Variants in GPAT4 observed in about 807,000 individuals in gnomAD.
The protein encoded by GPAT4 is glycerol-3-phosphate acyltransferase 4, also known as 1-AGP acyltransferase 6.
Under a neutral mutation model 58.0 loss-of-function variants are expected in GPAT4, and 17 were observed. The observed-to-expected ratio is 0.29, with a 90% CI of 0.20 to 0.44. The LOEUF (loss-of-function observed/expected upper bound fraction) is 0.44, where lower values mean the gene tolerates loss of function less well. Among genes scored for constraint, GPAT4 ranks in the 20% least tolerant of loss-of-function variants. GPAT4 has a pLI of 1.00. For synonymous variants in GPAT4, 204 were observed against 210.1 expected, an observed-to-expected ratio of 0.97 and a Z score of 0.25; for missense variants, 377 against 574.5, an observed-to-expected ratio of 0.66 and a Z score of 3.51.
At chr8:41,600,429 C>T (rs1803056780) in intron 2 of GPAT4, among the ~76,000 whole-genome samples, 1 of 152,070 alleles carries the variant, frequency 6.6e-6, no homozygotes, top group African/African-American at 2.4e-5. Context: ...ATTTTATCAA[C>T]CTGCATTTTA....
chr8:41,612,955 T>A lies in GPAT4; in HGVS notation c.906T>A (p.Ala302=). 1.2e-6 allele frequency: 2 copies of A among 1,613,940 alleles called. No individual in the cohort carries two copies. The highest frequency in any genetic ancestry group is 1.7e-6 in the Non-Finnish European group (2 of 1,179,850). The part of the protein sequence containing the change: ...RSEVKDRHLV[A]KRLTEHVQDK... ...AAGTGAAGGATCGCCACCTGGTGGC[T>A]AAGAGGTAATGGACAGAACACTGCT... Residue 302 remains alanine (A), a synonymous_variant, in exon 8 of 13, where the codon GCT becomes GCA. Transcript: ENST00000396987.
chr8:41,610,912 T>C, intron 5 of GPAT4, 102 bp downstream of exon 5: 2 of 1,257,556 alleles, frequency 1.6e-6, no homozygotes, highest in Non-Finnish European at 1.1e-6. Flanking sequence ...ACCAAAGCCA[T>C]GGAATCTTAG....
chr8:41,581,339 C>G (rs1802502744), intron 1 of GPAT4, among the ~76,000 whole-genome samples: 1 of 152,176 alleles, frequency 6.6e-6, no homozygotes, highest in Non-Finnish European at 1.5e-5. Flanking sequence ...TTCATTTTGC[C>G]TTGTACAATC....
chr8:41,584,260 C>T (rs1037103535), intron 1 of GPAT4, among the ~76,000 whole-genome samples: 2 of 152,114 alleles, frequency 1.3e-5, no homozygotes, highest in South Asian at 2.1e-4. Flanking sequence ...GACTTCCCTA[C>T]GCTGCTAGTG....
At chr8:41,597,376 G>C (rs1802961988) in intron 1 of GPAT4, among the ~76,000 whole-genome samples, 2 of 152,186 alleles carry the variant, frequency 1.3e-5, no homozygotes. Flanking sequence ...CAAGTTCAGG[G>C]ATTTGGAATG....
chr8:41,596,876 C>T (rs1438482665), intron 1 of GPAT4, among the ~76,000 whole-genome samples: 2 of 152,130 alleles, frequency 1.3e-5, no homozygotes, highest in East Asian at 1.9e-4. Context: ...CCGAGCTCCC[C>T]GAGTAAGCAA....
chr8:41,609,479 A>C lies in GPAT4; in HGVS notation c.229A>C (p.Thr77Pro), dbSNP rs1367474784. 4 of 1,614,078 alleles carry C rather than the reference A, an allele frequency of 2.5e-6. No individual in the cohort carries two copies. Among genetic ancestry groups the C allele is most frequent in the Non-Finnish European group, 3.4e-6 (4 of 1,179,984 alleles). The change falls in exon 3 of 13, where the codon ACC (threonine) becomes CCC (proline). Residue 77 changes from threonine (T) to proline (P), a missense_variant. Coordinates refer to ENST00000396987, the MANE Select transcript of GPAT4 (RefSeq NM_178819.4). ...EKNHQLYKPY[T>P]NGIIAKDPTS... The stretch of plus-strand genomic sequence containing the variant: ...GAACCACCAGCTTTACAAGCCCTAC[A>C]CCAACGGTAAGATGGGGGTGTGATC...
At chr8:41,587,226 A>G (rs1307724893) in intron 1 of GPAT4, among the ~76,000 whole-genome samples, 1 of 152,240 alleles carries the variant, frequency 6.6e-6, no homozygotes, top group Non-Finnish European at 1.5e-5. Flanking sequence ...GGCTGTGGCC[A>G]TGTTTGCCTC....
rs115191888 is a variant in GPAT4 at position 41,587,976 on chromosome 8, C to T, written c.-849+9698C>T. ...CACTGTAGTTTCAATTCGAATTTCT[C>T]CATTTTACGACTAACCTTTTTATTG... On this transcript the variant is annotated intron_variant, in intron 1 of 12. Transcript: ENST00000396987. Among the ~76,000 whole-genome samples the T allele has an allele frequency of 3.2e-3, 491 of 152,324 alleles. 4 individuals are homozygous for T. The highest frequency in any genetic ancestry group is 9.4e-3 in the African/African-American group (390 of 41,578).
chr8:41,618,945 T>C lies in GPAT4; in HGVS notation c.1230T>C (p.Ile410=). The change falls in exon 12 of 13, where the codon ATT becomes ATC. Residue 410 remains isoleucine (I), a synonymous_variant. Transcript: ENST00000396987. Reference sequence around the variant, plus strand: ...TTGCGAATAGGGTGAAATCTGCCATTGCCAGGCAGGGAGGACTTGTGGACC... The same window carrying C: ...TTGCGAATAGGGTGAAATCTGCCATCGCCAGGCAGGGAGGACTTGTGGACC... ...VQFANRVKSA[I]ARQGGLVDLL... 1 of 1,614,232 alleles carries C rather than the reference T, an allele frequency of 6.2e-7. No individual in the cohort carries two copies. The highest frequency in any genetic ancestry group is 8.5e-7 in the Non-Finnish European group (1 of 1,180,032).
intron 1 of GPAT4, chr8:41,584,924 T>C (rs917540356): frequency 3.9e-5 from 6 of 152,190 alleles, no homozygotes; most frequent in African/African-American, 1.2e-4. Flanking sequence ...CTCTGTGAGT[T>C]GAATCATCCT....
At chr8:41,596,997 G>T (rs1300272140) in intron 1 of GPAT4, among the ~76,000 whole-genome samples, 1 of 152,126 alleles carries the variant, frequency 6.6e-6, no homozygotes, top group Non-Finnish European at 1.5e-5. Context: ...CCGGTAATCA[G>T]AATGGAACAG....
intron 12 of GPAT4, 60 bp downstream of exon 12, chr8:41,619,037 T>C: frequency 6.4e-7 from 1 of 1,568,480 alleles, no homozygotes; most frequent in Non-Finnish European, 8.8e-7. Flanking sequence ...TGTCATTGAC[T>C]TCACTTACAT....
chr8:41,614,702 C>T (rs1803544566), intron 9 of GPAT4, among the ~76,000 whole-genome samples: 1 of 152,188 alleles, frequency 6.6e-6, no homozygotes, highest in South Asian at 2.1e-4. Context: ...TCATGGTGTC[C>T]TCCTAAGGCC....
chr8:41,617,765 C>A (rs758508092), intron 10 of GPAT4, among the ~76,000 whole-genome samples: 4 of 152,228 alleles, frequency 2.6e-5, no homozygotes, highest in Non-Finnish European at 5.9e-5. Context: ...GAAATTCTGG[C>A]TCCTTTATTT....
At chr8:41,619,580 C>T (rs1374474241) in intron 12 of GPAT4, among the ~76,000 whole-genome samples, 3 of 152,112 alleles carry the variant, frequency 2.0e-5, no homozygotes, top group African/African-American at 7.2e-5. Context: ...GGATGTGGCC[C>T]GTGGGCTGCA....
chr8:41,602,138 A>T (rs372854649), intron 2 of GPAT4, among the ~76,000 whole-genome samples: 2 of 152,246 alleles, frequency 1.3e-5, no homozygotes, highest in Admixed American at 6.5e-5. Context: ...TATTTTTAGT[A>T]AAGACAGGGT....
rs140864982 is a variant in GPAT4 at position 41,621,307 on chromosome 8, G to C, written c.*306G>C. On this transcript the variant is annotated 3_prime_UTR_variant, in exon 13 of 13. Transcript: ENST00000396987. ...AACTCCCCACCTTTGCACGCTGTGC[G>C]GGCTGAGTGGTTGGGGAGATGTGGC... The C allele has an allele frequency of 1.1e-5, 4 of 350,710 alleles. No individual in the cohort carries two copies. The highest frequency in any genetic ancestry group is 1.6e-5 in the Non-Finnish European group (3 of 187,472). 21.7% of individuals were successfully genotyped at this position (350,710 alleles called of 1,614,324 possible).
intron 1 of GPAT4, among the ~76,000 whole-genome samples, chr8:41,587,496 ATAT>A (rs1250495085): frequency 6.6e-6 from 1 of 152,202 alleles, no homozygotes; most frequent in Non-Finnish European, 1.5e-5. Context: ...ATCCCAGCAC[ATAT>A]TATCACTTTG....
Sources: gnomAD v4.1 joint callset for allele counts (sites outside exome capture counted in the v4.1 genomes callset) on GRCh38, gnomAD v4.1.1 for gene constraint, MANE v1.5 for transcripts, NCBI Gene and HGNC (gene_info 2026-07-23, HGNC 2026-07-21) for gene names.